The following IL12RB1 variants were observed in gnomAD, a reference collection of about 807,000 sequenced individuals.
IL12RB1 encodes interleukin 12 receptor subunit beta 1.
A neutral mutation model predicts 94.4 loss-of-function variants in IL12RB1; 64 were observed. That is an observed-to-expected ratio of 0.68 (90% confidence interval 0.55 to 0.83). IL12RB1 has a LOEUF of 0.83. IL12RB1 is among the 40% of genes least tolerant of loss of function. The pLI, the probability that IL12RB1 is intolerant of heterozygous loss-of-function variation, is 0.00. For synonymous variants in IL12RB1, 362 were observed against 355.5 expected (o/e 1.02, Z -0.21); for missense variants, 814 against 855.6 (o/e 0.95, Z 0.61).
At chr19:18,089,574 G>T (rs1011912444), upstream of IL12RB1, among the ~76,000 whole-genome samples, 1 of 149,630 alleles carries the variant, frequency 6.7e-6, no homozygotes, top group Non-Finnish European at 1.5e-5. Flanking sequence ...GCAGTGAGCC[G>T]AGATCACACC....
chr19:18,077,190 T>A (rs145181542), intron 5 of IL12RB1, among the ~76,000 whole-genome samples: 495 of 152,202 alleles, frequency 3.3e-3, no homozygotes, highest in Admixed American at 7.2e-3. Context: ...AAACCCCGTC[T>A]CTACTAAAAA....
chr19:18,091,540 G>C (rs1449616948), upstream of IL12RB1: 2 of 152,192 alleles, frequency 1.3e-5, no homozygotes, highest in South Asian at 4.1e-4. Flanking sequence ...CGTCGCTGAG[G>C]ATCATCTAAA....
chr19:18,080,570 T>C (rs1241518739), intron 4 of IL12RB1, among the ~76,000 whole-genome samples: 1 of 151,980 alleles, frequency 6.6e-6, no homozygotes, highest in African/African-American at 2.4e-5. Flanking sequence ...GAACAGATAA[T>C]AAGAACCCAA....
chr19:18,097,572 CCTTA>C (rs1282419038), intron 1 of IL12RB1, among the ~76,000 whole-genome samples: 3 of 152,226 alleles, frequency 2.0e-5, no homozygotes, highest in African/African-American at 7.2e-5. Flanking sequence ...AACGATGCTG[CCTTA>C]CTTCTGAGAG....
rs542520008 is a variant in IL12RB1 at position 18,064,717 on chromosome 19, G to A, written c.1484-707C>T. Among the ~76,000 whole-genome samples, 547 of 151,972 alleles carry A rather than the reference G, an allele frequency of 3.6e-3. 3 individuals are homozygous for A. Among genetic ancestry groups the A allele is most frequent in the African/African-American group, 0.012 (504 of 41,472 alleles). On this transcript the variant is annotated intron_variant, in intron 12 of 16. Transcript: ENST00000593993. ...TTGAACTCCTGGCCTCAAGTGATCC[G>A]CCCGCCTCAGCCTCCCAAAGTGCTG... is the stretch of plus-strand genomic sequence containing the variant.
intron 15 of IL12RB1, 50 bp downstream of exon 15, chr19:18,061,072 C>T (rs773033848): frequency 1.1e-6 from 1 of 949,332 alleles, no homozygotes; most frequent in South Asian, 1.4e-5. Flanking sequence ...AACCCTTGTC[C>T]AGCATGTGCA....
intron 10 of IL12RB1, among the ~76,000 whole-genome samples, 176 bp downstream of exon 10, chr19:18,069,370 G>C (rs919360407): frequency 6.6e-6 from 1 of 152,206 alleles, no homozygotes; most frequent in Admixed American, 6.5e-5. Flanking sequence ...AGACCCATAT[G>C]GGTGAGAGGC....
chr19:18,079,942 A>T (rs748971219), intron 4 of IL12RB1, among the ~76,000 whole-genome samples: 7 of 152,214 alleles, frequency 4.6e-5, no homozygotes, highest in Non-Finnish European at 8.8e-5. Flanking sequence ...AAGTGAGATC[A>T]TGAAATGTTT....
intron 1 of IL12RB1, among the ~76,000 whole-genome samples, chr19:18,085,203 C>T (rs1412331297): frequency 6.6e-6 from 1 of 152,164 alleles, no homozygotes; most frequent in Non-Finnish European, 1.5e-5. Flanking sequence ...GCCCTGCAGG[C>T]AGATTGGAAG....
chr19:18,086,958 A>G (rs1381253443), upstream of IL12RB1: 1 of 1,539,618 alleles, frequency 6.5e-7, no homozygotes, highest in Admixed American at 2.0e-5. Context: ...AAAGAAAAAA[A>G]GTAAAGTGTC....
At chr19:18,091,021 G>A (rs2036601156), upstream of IL12RB1, among the ~76,000 whole-genome samples, 1 of 152,136 alleles carries the variant, frequency 6.6e-6, no homozygotes, top group Admixed American at 6.6e-5. Context: ...CAGTGGGTCT[G>A]GGTTTCTGTG....
intron 2 of IL12RB1, 90 bp downstream of exon 2, chr19:18,083,342 G>A (rs1308308499): frequency 2.5e-6 from 3 of 1,196,256 alleles, no homozygotes; most frequent in Non-Finnish European, 2.5e-6. Context: ...TCTTTGGCCT[G>A]GTGGTGGAGG....
chr19:18,093,510 C>A (rs1422153800), intron 1 of IL12RB1, among the ~76,000 whole-genome samples: 1 of 151,918 alleles, frequency 6.6e-6, no homozygotes, highest in Non-Finnish European at 1.5e-5. Context: ...GATGGAGCAG[C>A]GGATTTGAGA....
At chr19:18,071,401 CT>C in intron 9 of IL12RB1, 1 of 864,348 alleles carries the variant, frequency 1.2e-6, no homozygotes, top group Non-Finnish European at 1.6e-6. Flanking sequence ...TTTTTTCTTT[CT>C]TTCTCTCTTT....
At chr19:18,068,653 C>G in intron 10 of IL12RB1, 127 bp from the exon 11 acceptor site, 1 of 742,912 alleles carries the variant, frequency 1.3e-6, no homozygotes, top group South Asian at 1.6e-5. Flanking sequence ...GCCCTTGCAC[C>G]AATATCCCCT....
rs1329673669 is a variant in IL12RB1, at chr19:18,082,033, C to T, written c.239+117G>A. The T allele has an allele frequency of 4.2e-6, 3 of 719,084 alleles. No individual in the cohort carries two copies. In the African/African-American group the frequency reaches 5.2e-5, roughly 13 times the overall value. The allele number at this position is 719,084 out of a possible 1,614,324, so 44.5% of individuals were successfully genotyped here. On this transcript the variant is annotated intron_variant, in intron 3 of 16. Coordinates refer to ENST00000593993, the MANE Select transcript of IL12RB1 (RefSeq NM_005535.3). Reference sequence around the variant, plus strand: ...CTCTTCTTAGATGAGAAACTGAAGCCCAGGAAGGAGTGTTGACCCAGCCAA... The same window carrying T: ...CTCTTCTTAGATGAGAAACTGAAGCTCAGGAAGGAGTGTTGACCCAGCCAA...
At chr19:18,061,947 G>A (rs558797002) in intron 14 of IL12RB1, among the ~76,000 whole-genome samples, 1 of 152,238 alleles carries the variant, frequency 6.6e-6, no homozygotes, top group East Asian at 1.9e-4. Context: ...AAATCTGACT[G>A]CAAAACCGCT....
intron 4 of IL12RB1, among the ~76,000 whole-genome samples, chr19:18,080,361 C>T (rs1166509473): frequency 6.6e-6 from 1 of 152,108 alleles, no homozygotes; most frequent in African/African-American, 2.4e-5. Flanking sequence ...GCCTCAGTCT[C>T]CCCAGTAGCT....
In IL12RB1 at chr19:18,083,367, G is replaced by A. The variant is rs530119289; in HGVS notation, c.124+65C>T. On this transcript the variant is annotated intron_variant, in intron 2 of 16. Transcript: ENST00000593993. ...GGTGGTGGAGGCCATGGGAGGGGCC[G>A]CTGTGGATGGGGTCAGGCAGAGCCC... The A allele has an allele frequency of 5.8e-4, 865 of 1,484,404 alleles. 10 individuals are homozygous for A. In the South Asian group the frequency reaches 8.8e-3, roughly 15 times the overall value. 92.0% of individuals were successfully genotyped at this position (1,484,404 alleles called of 1,614,324 possible). A position where few individuals can be genotyped will look rare whatever the true frequency, so the allele number is the denominator to read the frequency against.
Sources: allele counts gnomAD v4.1 joint callset (sites outside exome capture counted in the v4.1 genomes callset), GRCh38; gene constraint gnomAD v4.1.1; transcripts MANE v1.5; gene names NCBI Gene and HGNC (gene_info 2026-07-23, HGNC 2026-07-21).